The following CXCL17 variants were observed in gnomAD, a reference collection of about 807,000 sequenced individuals.
CXCL17 encodes the protein C-X-C motif chemokine 17.
A neutral mutation model predicts 15.5 loss-of-function variants in CXCL17; 9 were observed. The observed-to-expected ratio is 0.58, with a 90% CI of 0.35 to 1.01. CXCL17 has a LOEUF of 1.01. Among genes scored for constraint, CXCL17 ranks in the 50% least tolerant of loss-of-function variants. CXCL17 has a pLI of 0.02. For missense variants in CXCL17, 133 were observed against 138.2 expected (o/e 0.96, Z 0.19); for synonymous variants, 52 against 52.3 (o/e 0.99, Z 0.02).
At chr19:42,433,664 G>A in intron 2 of CXCL17, 112 bp downstream of exon 2, 1 of 857,664 alleles carries the variant, frequency 1.2e-6, no homozygotes, top group Non-Finnish European at 1.9e-6. Context: ...CTGTGGAGAG[G>A]GGAATGGGTG....
At chr19:42,441,607 C>T in intron 1 of CXCL17, among the ~76,000 whole-genome samples, 1 of 152,064 alleles carries the variant, frequency 6.6e-6, no homozygotes, top group East Asian at 1.9e-4. Flanking sequence ...TTCCAGAGCA[C>T]TCTCTCTACA....
chr19:42,428,584 C>T lies in CXCL17; in HGVS notation c.*300G>A. ...TTATTGACTTCTGTTTGCTACTTTC[C>T]TGATTGCATTTAAGGTTAAATGACA... On this transcript the variant is annotated 3_prime_UTR_variant, in exon 4 of 4. Coordinates refer to ENST00000601181, the MANE Select transcript of CXCL17 (RefSeq NM_198477.3). The T allele has an allele frequency of 3.9e-6, 1 of 258,274 alleles. No homozygotes were observed. Among genetic ancestry groups the T allele is most frequent in the Non-Finnish European group, 7.4e-6 (1 of 135,662 alleles). 16.0% of individuals were successfully genotyped at this position (258,274 alleles called of 1,614,324 possible).
chr19:42,431,078 G>A (rs781256801), intron 3 of CXCL17, among the ~76,000 whole-genome samples: 14 of 152,230 alleles, frequency 9.2e-5, no homozygotes, highest in South Asian at 4.1e-4. Context: ...GACCTCAGGT[G>A]ATCCCCCTGC....
At chr19:42,437,976 AT>A (rs983876264) in intron 1 of CXCL17, among the ~76,000 whole-genome samples, 1 of 152,110 alleles carries the variant, frequency 6.6e-6, no homozygotes, top group Non-Finnish European at 1.5e-5. Context: ...CTATATATAT[AT>A]TTTTTCTACA....
chr19:42,432,455 T>C (rs1056396922), intron 3 of CXCL17, among the ~76,000 whole-genome samples: 2 of 152,132 alleles, frequency 1.3e-5, no homozygotes, highest in Non-Finnish European at 2.9e-5. Context: ...GCCAATTTAC[T>C]TTTTATATGA....
intron 1 of CXCL17, among the ~76,000 whole-genome samples, chr19:42,435,983 C>T (rs2040830764): frequency 6.6e-6 from 1 of 152,130 alleles, no homozygotes; most frequent in Admixed American, 6.5e-5. Flanking sequence ...TATATCCAGC[C>T]TGCAGAACTG....
At chr19:42,440,553 G>A (rs1435861539) in intron 1 of CXCL17, among the ~76,000 whole-genome samples, 1 of 152,146 alleles carries the variant, frequency 6.6e-6, no homozygotes, top group Non-Finnish European at 1.5e-5. Context: ...CCTCACCCTC[G>A]TGCTTTAGGA....
chr19:42,438,893 A>T (rs1057235784), intron 1 of CXCL17, among the ~76,000 whole-genome samples: 2 of 152,210 alleles, frequency 1.3e-5, no homozygotes, highest in Non-Finnish European at 2.9e-5. Flanking sequence ...TAATGATAGT[A>T]GTGGATTCCA....
At chr19:42,441,034 G>A (rs1366651453) in intron 1 of CXCL17, among the ~76,000 whole-genome samples, 2 of 152,236 alleles carry the variant, frequency 1.3e-5, no homozygotes, top group Non-Finnish European at 2.9e-5. Flanking sequence ...CCAAATGTCA[G>A]TAGAGCTGCT....
At chr19:42,433,130 G>T in intron 2 of CXCL17, 53 bp from the exon 3 acceptor site, 1 of 1,318,170 alleles carries the variant, frequency 7.6e-7, no homozygotes, top group Non-Finnish European at 1.1e-6. Context: ...TTTGATAGGA[G>T]GGAGTAGGAC....
chr19:42,436,398 A>T (rs566239701), intron 1 of CXCL17, among the ~76,000 whole-genome samples: 17 of 152,108 alleles, frequency 1.1e-4, no homozygotes, highest in African/African-American at 4.1e-4. Context: ...CCTGACCTCT[A>T]CTCCTAGTTC....
rs56988688 is a variant in CXCL17 at position 42,439,463 on chromosome 19, GA to G, written c.79+3290del. Among the ~76,000 whole-genome samples the G allele has an allele frequency of 3.4e-3, 501 of 147,604 alleles. 2 individuals carry two copies. Among genetic ancestry groups the G allele is most frequent in the Non-Finnish European group, 4.7e-3 (315 of 66,430 alleles). On this transcript the variant is annotated intron_variant, in intron 1 of 3. Coordinates refer to ENST00000601181, the MANE Select transcript of CXCL17 (RefSeq NM_198477.3). ...TGATGCCATAACTGGTGAATAACAAGAAAAAAAAAAGTATGATGAGAAGAAA... is the reference window on the plus strand; with the variant it reads ...TGATGCCATAACTGGTGAATAACAAGAAAAAAAAAGTATGATGAGAAGAAA...
chr19:42,441,165 A>G (rs2040888223), intron 1 of CXCL17, among the ~76,000 whole-genome samples: 1 of 152,170 alleles, frequency 6.6e-6, no homozygotes, highest in Admixed American at 6.5e-5. Context: ...TGTGTCACCA[A>G]GTAGTTTGCA....
chr19:42,438,381 A>AATATAT (rs1201763586), intron 1 of CXCL17, among the ~76,000 whole-genome samples: 766 of 63,784 alleles, frequency 0.012, 16 homozygotes, highest in Admixed American at 0.024. Context: ...AAAAAAAAAA[A>AATATAT]ATATATATAT....
intron 1 of CXCL17, among the ~76,000 whole-genome samples, chr19:42,434,265 C>CT (rs2040811794): frequency 6.6e-6 from 1 of 152,156 alleles, no homozygotes; most frequent in South Asian, 2.1e-4. Flanking sequence ...GAAAGAATGG[C>CT]TTCTAGATGG....
intron 1 of CXCL17, among the ~76,000 whole-genome samples, chr19:42,442,224 CTTTCCTTTTTTT>C (rs1187439930): frequency 7.4e-6 from 1 of 135,264 alleles, no homozygotes; most frequent in Non-Finnish European, 1.6e-5. Context: ...CTTTTCTTTT[CTTTCCTTTTTTT>C]TTTTTTTTTT....
intron 1 of CXCL17, among the ~76,000 whole-genome samples, chr19:42,440,710 C>T (rs2040883400): frequency 6.6e-6 from 1 of 152,126 alleles, no homozygotes; most frequent in South Asian, 2.1e-4. Flanking sequence ...GGCGACTTGT[C>T]TAGGGTTGCA....
rs371543465 is a variant in CXCL17, at chr19:42,428,773, A to T, written c.*111T>A. The T allele has an allele frequency of 1.5e-4, 118 of 793,758 alleles. 2 individuals are homozygous for T. The Middle Eastern group carries it at 1.8e-3, about 12-fold the overall frequency. The allele number at this position is 793,758 out of a possible 1,614,324, so 49.2% of individuals were successfully genotyped here. A position where few individuals can be genotyped will look rare whatever the true frequency, so the allele number is the denominator to read the frequency against. The stretch of plus-strand genomic sequence containing the variant: ...CTTTTTGAGAGCACTGGAATGATTT[A>T]GGGGTGGGTACAGTGGGAGAGTGAG... On this transcript the variant is annotated 3_prime_UTR_variant, in exon 4 of 4. Transcript: ENST00000601181.
intron 1 of CXCL17, among the ~76,000 whole-genome samples, chr19:42,437,103 A>G (rs1249089869): frequency 6.6e-6 from 1 of 151,920 alleles, no homozygotes; most frequent in Non-Finnish European, 1.5e-5. Context: ...ATGCCTGGCT[A>G]ATTTTTGTAT....
Sources: gnomAD v4.1 joint callset for allele counts (sites outside exome capture counted in the v4.1 genomes callset) on GRCh38, gnomAD v4.1.1 for gene constraint, MANE v1.5 for transcripts, NCBI Gene and HGNC (gene_info 2026-07-23, HGNC 2026-07-21) for gene names.